RPH3A: variants seen among roughly 807,000 people sequenced by gnomAD.
RPH3A encodes rabphilin-3A.
In RPH3A, 48 loss-of-function variants were observed where a neutral mutation model predicts 102.2. The ratio of observed to expected loss-of-function variants is 0.47; its 90% CI spans 0.37 to 0.60. RPH3A has a LOEUF of 0.60. RPH3A is among the 20% of genes least tolerant of loss of function. The probability of loss-of-function intolerance (pLI) is 0.00; values close to 1 mark genes in which losing one functional copy is unlikely to be tolerated. For synonymous variants in RPH3A, 310 were observed against 324.3 expected, an observed-to-expected ratio of 0.96 and a Z score of 0.47; for missense variants, 781 against 910.1, an observed-to-expected ratio of 0.86 and a Z score of 1.83.
chr12:112,677,506 T>C (rs1418448211), intron 1 of RPH3A, among the ~76,000 whole-genome samples: 2 of 145,634 alleles, frequency 1.4e-5, no homozygotes, highest in African/African-American at 5.1e-5. Flanking sequence ...TTTTTTAGAG[T>C]TAGGGTCTTG....
chr12:112,831,669 T>G (rs552107262), intron 3 of RPH3A: 19 of 364,088 alleles, frequency 5.2e-5, no homozygotes, highest in Non-Finnish European at 9.4e-5. Context: ...CAGCTTTTCA[T>G]TTGGTAAAAT....
intron 2 of RPH3A, among the ~76,000 whole-genome samples, chr12:112,800,665 G>A (rs530745833): frequency 2.6e-5 from 4 of 152,276 alleles, no homozygotes; most frequent in African/African-American, 9.6e-5. Context: ...AGAAGGTGGT[G>A]ACATTTGGGG....
intron 1 of RPH3A, among the ~76,000 whole-genome samples, chr12:112,695,450 G>A (rs2040343318): frequency 6.6e-6 from 1 of 152,106 alleles, no homozygotes; most frequent in Admixed American, 6.5e-5. Flanking sequence ...AATAATATAG[G>A]CCAGTTTCAG....
At chr12:112,891,101 A>C in intron 19 of RPH3A, 98 bp downstream of exon 19, 1 of 1,391,222 alleles carries the variant, frequency 7.2e-7, no homozygotes, top group African/African-American at 1.4e-5. Context: ...TTGTACACTG[A>C]GACCCAGAGA....
chr12:112,796,356 T>C (rs995445383), intron 2 of RPH3A, among the ~76,000 whole-genome samples: 1 of 152,214 alleles, frequency 6.6e-6, no homozygotes, highest in African/African-American at 2.4e-5. Flanking sequence ...GGCACTTCTT[T>C]GTAGGAGTCC....
At chr12:112,601,707 G>A (rs926268664) in intron 1 of RPH3A, among the ~76,000 whole-genome samples, 9 of 152,170 alleles carry the variant, frequency 5.9e-5, no homozygotes, top group South Asian at 2.1e-4. Context: ...CGAGGTGGGC[G>A]GATCACTTGA....
chr12:112,593,772 T>C (rs2039495887), intron 1 of RPH3A, among the ~76,000 whole-genome samples: 2 of 152,212 alleles, frequency 1.3e-5, no homozygotes, highest in African/African-American at 4.8e-5. Context: ...CCTGGGGTTA[T>C]AGAGCTATCT....
intron 1 of RPH3A, among the ~76,000 whole-genome samples, chr12:112,681,470 A>T (rs2040225596): frequency 6.6e-6 from 1 of 152,174 alleles, no homozygotes; most frequent in Non-Finnish European, 1.5e-5. Flanking sequence ...CTGGGACTCT[A>T]CACTGAGAGG....
intron 1 of RPH3A, among the ~76,000 whole-genome samples, chr12:112,602,940 G>A (rs1566224996): frequency 6.6e-6 from 1 of 152,184 alleles, no homozygotes; most frequent in Non-Finnish European, 1.5e-5. Context: ...TAAGTGATAT[G>A]GGAGCTATTG....
intron 2 of RPH3A, among the ~76,000 whole-genome samples, chr12:112,823,178 T>C (rs1224376104): frequency 2.0e-5 from 3 of 152,192 alleles, no homozygotes; most frequent in African/African-American, 7.2e-5. Flanking sequence ...GGGCCAGGAA[T>C]GGACAATCAC....
chr12:112,631,244 A>G (rs1405653819), intron 1 of RPH3A, among the ~76,000 whole-genome samples: 2 of 152,142 alleles, frequency 1.3e-5, no homozygotes, highest in Non-Finnish European at 2.9e-5. Context: ...CAAAAGCACT[A>G]TTGAGCAAGG....
chr12:112,851,997 A>C (rs192680483), intron 5 of RPH3A, among the ~76,000 whole-genome samples: 1 of 152,172 alleles, frequency 6.6e-6, no homozygotes, highest in African/African-American at 2.4e-5. Context: ...TATTATTTTC[A>C]TGATTTTATG....
At chr12:112,612,559 CTT>C (rs1007489149) in intron 1 of RPH3A, among the ~76,000 whole-genome samples, 47 of 109,698 alleles carry the variant, frequency 4.3e-4, no homozygotes, top group African/African-American at 1.4e-3. Context: ...GGAGTTTTGC[CTT>C]TTTTTTTTTT....
At chr12:112,671,912 A>C (rs1592935984) in intron 1 of RPH3A, among the ~76,000 whole-genome samples, 1 of 151,758 alleles carries the variant, frequency 6.6e-6, no homozygotes, top group East Asian at 1.9e-4. Flanking sequence ...ATATATATAC[A>C]CACACATACA....
chr12:112,712,214 C>T (rs191416907), intron 1 of RPH3A, among the ~76,000 whole-genome samples: 8 of 152,272 alleles, frequency 5.3e-5, no homozygotes, highest in Non-Finnish European at 4.4e-5. Context: ...AACACACACA[C>T]GCATGCACGC....
intron 2 of RPH3A, among the ~76,000 whole-genome samples, chr12:112,802,153 C>T (rs1411526575): frequency 6.6e-6 from 1 of 152,228 alleles, no homozygotes; most frequent in Non-Finnish European, 1.5e-5. Flanking sequence ...TTGGGCAACA[C>T]AGGTAGATGC....
At chr12:112,879,947 T>C (rs1172296522) in intron 14 of RPH3A, among the ~76,000 whole-genome samples, 1 of 152,182 alleles carries the variant, frequency 6.6e-6, no homozygotes, top group Non-Finnish European at 1.5e-5. Context: ...TTGGGGATAA[T>C]AGTAGTGTAT....
intron 1 of RPH3A, among the ~76,000 whole-genome samples, chr12:112,660,828 A>G (rs2040044086): frequency 1.3e-5 from 2 of 152,214 alleles, no homozygotes; most frequent in African/African-American, 4.8e-5. Context: ...GTCTAGTTCC[A>G]GCTCTTGCTC....
At chr12:112,602,098 T>TTA (rs2039563737) in intron 1 of RPH3A, among the ~76,000 whole-genome samples, 1 of 152,162 alleles carries the variant, frequency 6.6e-6, no homozygotes, top group South Asian at 2.1e-4. Flanking sequence ...CTGGGGATGT[T>TTA]TACTTCTTAA....
Sources: gnomAD v4.1 joint callset for allele counts (sites outside exome capture counted in the v4.1 genomes callset) on GRCh38, gnomAD v4.1.1 for gene constraint, MANE v1.5 for transcripts, NCBI Gene and HGNC (gene_info 2026-07-23, HGNC 2026-07-21) for gene names.